RALGAPA2: variants seen among roughly 807,000 people sequenced by gnomAD.
The protein encoded by RALGAPA2 is Ral GTPase activating protein catalytic subunit alpha 2.
A neutral mutation model predicts 230.4 loss-of-function variants in RALGAPA2; 139 were observed. That is an observed-to-expected ratio of 0.60 (90% CI 0.53 to 0.69). The LOEUF (loss-of-function observed/expected upper bound fraction) is 0.69. Among genes scored for constraint, RALGAPA2 ranks in the 30% least tolerant of loss-of-function variants. The probability of loss-of-function intolerance (pLI) is 0.00; values close to 1 mark genes in which losing one functional copy is unlikely to be tolerated. For synonymous variants in RALGAPA2, 847 were observed against 837.8 expected (o/e 1.01, Z -0.19); for missense variants, 2,163 against 2,276.0 (o/e 0.95, Z 1.01).
Position 20,712,318 on chromosome 20 carries a change from T to C in RALGAPA2, c.106+57A>G, listed in dbSNP as rs1176973322. On this transcript the variant is annotated intron_variant, in intron 1 of 39. Coordinates refer to ENST00000202677, the MANE Select transcript of RALGAPA2 (RefSeq NM_020343.4). The surrounding 1 kb of genome is among the most constrained non-coding windows in gnomAD (Gnocchi z 5.5). The stretch of plus-strand genomic sequence containing the variant: ...CCGACCCCTGCACAGAGGAGCGCCC[T>C]CCCGGCAGGTGCCCCTAACCCGGCG... The C allele has an allele frequency of 8.3e-7, 1 of 1,201,346 alleles. No individual in the cohort carries two copies. Among genetic ancestry groups the C allele is most frequent in the Non-Finnish European group, 1.1e-6 (1 of 906,796 alleles). 74.4% of individuals were successfully genotyped at this position (1,201,346 alleles called of 1,614,324 possible). A position where few individuals can be genotyped will look rare whatever the true frequency, so the allele number is the denominator to read the frequency against.
At chr20:20,645,713 C>G (rs2067189883) in intron 4 of RALGAPA2, among the ~76,000 whole-genome samples, 1 of 152,130 alleles carries the variant, frequency 6.6e-6, no homozygotes, top group Non-Finnish European at 1.5e-5. Flanking sequence ...AGCTAGACTG[C>G]TAGGGTTCAA....
At chr20:20,628,322 C>A (rs1193034819) in intron 10 of RALGAPA2, among the ~76,000 whole-genome samples, 1 of 152,172 alleles carries the variant, frequency 6.6e-6, no homozygotes, top group African/African-American at 2.4e-5. Flanking sequence ...TTCTTCTCCT[C>A]CTCACCTACA....
intron 5 of RALGAPA2, among the ~76,000 whole-genome samples, chr20:20,642,308 G>A (rs552677898): frequency 2.0e-5 from 3 of 152,072 alleles, no homozygotes; most frequent in East Asian, 3.9e-4. Context: ...CCTCCCAGGT[G>A]GAAGCAATTC....
chr20:20,458,875 T>TATAC (rs1556044736), intron 37 of RALGAPA2, among the ~76,000 whole-genome samples: 5 of 120,150 alleles, frequency 4.2e-5, no homozygotes, highest in Non-Finnish European at 8.3e-5. Context: ...TATATATATA[T>TATAC]ACACACACAC....
chr20:20,652,096 T>G (rs564631018), intron 4 of RALGAPA2, among the ~76,000 whole-genome samples: 1 of 152,230 alleles, frequency 6.6e-6, no homozygotes, highest in African/African-American at 2.4e-5. Context: ...TTTGGTTCAA[T>G]TGACATATAC....
rs375572056 is a variant in RALGAPA2 at position 20,688,971 on chromosome 20, A to G, written c.107-8170T>C. ...AAGGTCCACCCTGCAGCTAGTATTA[A>G]TTTCTAGTAAATAGTAACATTTTCA... On this transcript the variant is annotated intron_variant, in intron 1 of 39. Transcript: ENST00000202677. Among the ~76,000 whole-genome samples the G allele has an allele frequency of 1.9e-4, 29 of 152,332 alleles. 3 individuals carry two copies. Among genetic ancestry groups the G allele is most frequent in the African/African-American group, 7.0e-4 (29 of 41,578 alleles).
Position 20,513,267 on chromosome 20 carries a change from A to C in RALGAPA2, c.4102T>G (p.Leu1368Val), listed in dbSNP as rs1328445670. Reference sequence around the variant, plus strand: ...CGAGCAGTCAAAGGGATCAACTCCAAACTTCTTCTCTTCTTCTCTGTAAAC... The same window carrying C: ...CGAGCAGTCAAAGGGATCAACTCCACACTTCTTCTCTTCTTCTCTGTAAAC... ...TVEEEKKRRS[L>V]ELIPLTARMV... Residue 1368 changes from leucine to valine, a missense_variant, in exon 32 of 40, where the codon TTG (leucine) becomes GTG (valine). Coordinates refer to ENST00000202677, the MANE Select transcript of RALGAPA2 (RefSeq NM_020343.4). 2 of 1,471,974 alleles carry C rather than the reference A, an allele frequency of 1.4e-6. No homozygotes were observed. Among genetic ancestry groups the C allele is most frequent in the African/African-American group, 2.8e-5 (2 of 70,834 alleles). 91.2% of individuals were successfully genotyped at this position (1,471,974 alleles called of 1,614,324 possible).
rs192499897 is a variant in RALGAPA2, at chr20:20,547,250, T to C, written c.3157-418A>G. ...ACAGTTACATTAAAATATCTTAAAG[T>C]AGGCAAAGACATGGAAAATTTCACT... On this transcript the variant is annotated intron_variant, in intron 23 of 39. Coordinates refer to ENST00000202677, the MANE Select transcript of RALGAPA2 (RefSeq NM_020343.4). Among the ~76,000 whole-genome samples the C allele has an allele frequency of 2.0e-5, 3 of 152,340 alleles. No individual in the cohort carries two copies. The East Asian group carries it at 5.8e-4, about 29-fold the overall frequency.
intron 37 of RALGAPA2, among the ~76,000 whole-genome samples, chr20:20,427,415 G>A (rs563685616): frequency 3.3e-5 from 5 of 152,044 alleles, no homozygotes; most frequent in African/African-American, 1.2e-4. Flanking sequence ...CGGGGTGGGA[G>A]CGTCTGCAGC....
At chr20:20,677,588 C>T (rs2068373114) in intron 2 of RALGAPA2, among the ~76,000 whole-genome samples, 1 of 149,006 alleles carries the variant, frequency 6.7e-6, no homozygotes. Context: ...AATGAGAACC[C>T]GTTTGAAACT....
intron 24 of RALGAPA2, among the ~76,000 whole-genome samples, chr20:20,541,565 CTGGACAAAGCAATGATCCA>C (rs2063642932): frequency 6.6e-6 from 1 of 152,154 alleles, no homozygotes; most frequent in Non-Finnish European, 1.5e-5. Flanking sequence ...CGTGGATCCA[CTGGACAAAGCAATGATCCA>C]TGTCCCGGGC....
chr20:20,528,287 G>A lies in RALGAPA2; in HGVS notation c.3583-1925C>T, dbSNP rs1003640077. On this transcript the variant is annotated intron_variant, in intron 27 of 39. Transcript: ENST00000202677. ...ACACCAACAGAGTGCCATGCTGAGC[G>A]CTCCAGCCTGTGGGCTGCACAGGTC... 3.3e-5 allele frequency among the ~76,000 whole-genome samples: 5 copies of A among 152,164 alleles called. No homozygotes were observed. In the East Asian group the frequency reaches 7.7e-4, roughly 23 times the overall value.
At chr20:20,394,889 C>CAAAAAAAAAAA (rs10673778) in intron 39 of RALGAPA2, among the ~76,000 whole-genome samples, 12 of 44,642 alleles carry the variant, frequency 2.7e-4, no homozygotes, top group East Asian at 7.7e-4. Context: ...AATAAATAAG[C>CAAAAAAAAAAA]AAAAAAAAAA....
chr20:20,525,350 T>A (rs2063168132), intron 28 of RALGAPA2, among the ~76,000 whole-genome samples: 1 of 152,204 alleles, frequency 6.6e-6, no homozygotes, highest in Non-Finnish European at 1.5e-5. Flanking sequence ...AATTACATCA[T>A]CACCCCAAAA....
intron 3 of RALGAPA2, among the ~76,000 whole-genome samples, chr20:20,674,211 A>G (rs555107091): frequency 2.0e-5 from 3 of 150,332 alleles, no homozygotes; most frequent in South Asian, 4.2e-4. Context: ...AATAATAATA[A>G]TAATAGTAAT....
intron 37 of RALGAPA2, among the ~76,000 whole-genome samples, chr20:20,468,338 C>G (rs182183194): frequency 4.1e-4 from 63 of 152,304 alleles, no homozygotes; most frequent in Admixed American, 7.8e-4. Context: ...CCATCCCTCC[C>G]ATCTGGGGGT....
chr20:20,643,844 CT>C (rs147932263), intron 4 of RALGAPA2, among the ~76,000 whole-genome samples: 53 of 147,516 alleles, frequency 3.6e-4, no homozygotes, highest in South Asian at 4.3e-4. Flanking sequence ...AAAATGGATG[CT>C]TTTTTTTTTA....
chr20:20,670,134 G>A (rs1378902559), intron 3 of RALGAPA2, among the ~76,000 whole-genome samples: 1 of 152,238 alleles, frequency 6.6e-6, no homozygotes, highest in Admixed American at 6.5e-5. Context: ...GAGGACGGGA[G>A]GCTCTGGCTA....
At chr20:20,568,225 A>T (rs891684704) in intron 23 of RALGAPA2, among the ~76,000 whole-genome samples, 3 of 152,198 alleles carry the variant, frequency 2.0e-5, no homozygotes, top group Non-Finnish European at 4.4e-5. Context: ...AAAAAAATTC[A>T]TTGTCAAGGA....
Sources: allele counts gnomAD v4.1 joint callset (sites outside exome capture counted in the v4.1 genomes callset), GRCh38; gene constraint gnomAD v4.1.1; non-coding constraint Gnocchi (gnomAD v3.1); transcripts MANE v1.5; gene names NCBI Gene and HGNC (gene_info 2026-07-23, HGNC 2026-07-21).